The following KDM4C variants were observed in gnomAD, a reference collection of about 807,000 sequenced individuals.
KDM4C encodes the protein lysine-specific demethylase 4C.
A neutral mutation model predicts 129.3 loss-of-function variants in KDM4C; 81 were observed. That is an observed-to-expected ratio of 0.63 (90% confidence interval 0.52 to 0.75). The LOEUF is 0.75. Ranked by LOEUF, KDM4C falls within the 30% of genes least tolerant of loss-of-function variation. The pLI, the probability that KDM4C is intolerant of heterozygous loss-of-function variation, is 0.00. For synonymous variants in KDM4C, 573 were observed against 456.1 expected, an observed-to-expected ratio of 1.26 and a Z score of -3.26; for missense variants, 1,457 against 1,304.0, an observed-to-expected ratio of 1.12 and a Z score of -1.81.
chr9:7,063,298 C>T (rs1162847613), intron 17 of KDM4C, among the ~76,000 whole-genome samples: 4 of 152,114 alleles, frequency 2.6e-5, no homozygotes, highest in Non-Finnish European at 5.9e-5. Flanking sequence ...TTTTTGCTGT[C>T]TCAACATTTT....
chr9:6,858,012 C>CGCAGTCA (rs955670558), intron 5 of KDM4C, among the ~76,000 whole-genome samples: 1 of 150,030 alleles, frequency 6.7e-6, no homozygotes, highest in Admixed American at 6.6e-5. Flanking sequence ...AGTCTACCCA[C>CGCAGTCA]GCAGTCAGTC....
At chr9:6,873,667 G>C (rs1290735074) in intron 5 of KDM4C, among the ~76,000 whole-genome samples, 2 of 152,178 alleles carry the variant, frequency 1.3e-5, no homozygotes, top group African/African-American at 4.8e-5. Context: ...TTGCTGGTTT[G>C]ATCTTATGTC....
intron 5 of KDM4C, among the ~76,000 whole-genome samples, chr9:6,855,235 C>G (rs1319432884): frequency 6.6e-6 from 1 of 151,900 alleles, no homozygotes; most frequent in Non-Finnish European, 1.5e-5. Context: ...CTGAGGCGGG[C>G]AGATCACGAG....
intron 1 of KDM4C, among the ~76,000 whole-genome samples, chr9:6,761,557 C>G (rs1819506382): frequency 6.6e-6 from 1 of 151,914 alleles, no homozygotes; most frequent in Non-Finnish European, 1.5e-5. Flanking sequence ...CGGGCTCAAG[C>G]AGTCCGCTTG....
intron 4 of KDM4C, among the ~76,000 whole-genome samples, chr9:6,820,869 C>T (rs1300351522): frequency 6.6e-6 from 1 of 151,648 alleles, no homozygotes; most frequent in South Asian, 2.1e-4. Flanking sequence ...ATCCCTCCCC[C>T]AGCCCCCCAA....
At chr9:7,139,579 C>T (rs557337016) in intron 19 of KDM4C, among the ~76,000 whole-genome samples, 1 of 152,174 alleles carries the variant, frequency 6.6e-6, no homozygotes, top group Non-Finnish European at 1.5e-5. Flanking sequence ...AAGACTGTCT[C>T]ATCACACTAT....
chr9:6,985,864 T>C (rs1274259536), intron 10 of KDM4C, among the ~76,000 whole-genome samples: 1 of 152,174 alleles, frequency 6.6e-6, no homozygotes, highest in African/African-American at 2.4e-5. Flanking sequence ...CTAATTTTTA[T>C]ATTTTTAGTA....
chr9:7,020,549 G>A (rs1410078274), intron 15 of KDM4C, among the ~76,000 whole-genome samples: 3 of 152,198 alleles, frequency 2.0e-5, no homozygotes, highest in East Asian at 1.9e-4. Flanking sequence ...TTTAGAGCAC[G>A]TTCCAAACAT....
chr9:7,038,252 C>G (rs1827982701), intron 15 of KDM4C, among the ~76,000 whole-genome samples: 1 of 152,016 alleles, frequency 6.6e-6, no homozygotes, highest in Admixed American at 6.6e-5. Context: ...TACAAAGGAA[C>G]TAGATATTAT....
intron 17 of KDM4C, among the ~76,000 whole-genome samples, chr9:7,065,263 AC>A (rs1436002259): frequency 6.6e-5 from 10 of 152,108 alleles, no homozygotes; most frequent in African/African-American, 2.4e-4. Context: ...TAAACTATGG[AC>A]TTTTTTTTTC....
chr9:6,772,501 A>G (rs1306193792), intron 1 of KDM4C, among the ~76,000 whole-genome samples: 2 of 152,048 alleles, frequency 1.3e-5, no homozygotes, highest in African/African-American at 4.8e-5. Flanking sequence ...AGGTGGGATT[A>G]CAGGCATGCA....
At chr9:6,925,508 C>G in intron 8 of KDM4C, 1 of 858,490 alleles carries the variant, frequency 1.2e-6, no homozygotes, top group African/African-American at 1.9e-5. Flanking sequence ...CTTGCTCATG[C>G]TGCTTTCAAT....
In KDM4C at chr9:7,093,085, A is replaced by G. The variant is rs376093683; in HGVS notation, c.2425-10600A>G. Among the ~76,000 whole-genome samples, 11 of 152,220 alleles carry G rather than the reference A, an allele frequency of 7.2e-5. No individual in the cohort carries two copies. In the East Asian group the frequency reaches 1.2e-3, roughly 16 times the overall value. On this transcript the variant is annotated intron_variant, in intron 17 of 21. Coordinates refer to ENST00000381309, the MANE Select transcript of KDM4C (RefSeq NM_015061.6). ...ATATCTGTTTGGAGTCAGTCATCCA[A>G]TTTTTCATGACAGAAAAAGAACATT...
chr9:7,086,944 G>T (rs1351389827), intron 17 of KDM4C, among the ~76,000 whole-genome samples: 1 of 152,156 alleles, frequency 6.6e-6, no homozygotes, highest in Non-Finnish European at 1.5e-5. Flanking sequence ...GATCCTCCAT[G>T]CGTCTCTGAG....
At chr9:6,737,498 T>TA (rs113407900) in intron 1 of KDM4C, among the ~76,000 whole-genome samples, 149,230 of 150,058 alleles carry the variant, frequency 0.99, 74,205 homozygotes, top group East Asian at 1. Flanking sequence ...CCATCTCTAC[T>TA]AAAAAAAATA....
At chr9:7,014,168 T>G (rs1229911039) in intron 14 of KDM4C, 167 bp downstream of exon 14, 4 of 591,468 alleles carry the variant, frequency 6.8e-6, no homozygotes, top group African/African-American at 5.6e-5. Flanking sequence ...AGTTGGTATA[T>G]TCATCCTTTT....
intron 17 of KDM4C, among the ~76,000 whole-genome samples, chr9:7,084,226 T>TG (rs1834864866): frequency 6.6e-6 from 1 of 152,186 alleles, no homozygotes; most frequent in South Asian, 2.1e-4. Flanking sequence ...AGCCACTACA[T>TG]GGTGCCACCA....
chr9:7,155,525 A>G (rs10976072), intron 19 of KDM4C, among the ~76,000 whole-genome samples: 27,330 of 151,714 alleles, frequency 0.18, 2,695 homozygotes, highest in Middle Eastern at 0.33. Context: ...ACCCCTCAAC[A>G]GGCCCCGGTG....
intron 4 of KDM4C, among the ~76,000 whole-genome samples, chr9:6,848,941 A>G (rs1450224675): frequency 6.6e-6 from 1 of 152,248 alleles, no homozygotes; most frequent in African/African-American, 2.4e-5. Context: ...GATACTGCCA[A>G]GAGTTTTTCC....
Sources: allele counts gnomAD v4.1 joint callset (sites outside exome capture counted in the v4.1 genomes callset), GRCh38; gene constraint gnomAD v4.1.1; transcripts MANE v1.5; gene names NCBI Gene and HGNC (gene_info 2026-07-23, HGNC 2026-07-21).